BRPF3: variants seen among roughly 807,000 people sequenced by gnomAD.
The protein encoded by BRPF3 is bromodomain and PHD finger containing 3.
Under a neutral mutation model 102.0 loss-of-function variants are expected in BRPF3, and 18 were observed. The ratio of observed to expected loss-of-function variants is 0.18; its 90% CI spans 0.12 to 0.26. BRPF3 has a LOEUF of 0.26. Ranked by LOEUF, BRPF3 falls within the 10% of genes least tolerant of loss-of-function variation. BRPF3 has a pLI of 1.00. For missense variants in BRPF3, 1,147 were observed against 1,567.8 expected (o/e 0.73, Z 4.53); for synonymous variants, 570 against 614.2 (o/e 0.93, Z 1.06).
At chr6:36,204,487 G>A in intron 2 of BRPF3, 171 bp from the exon 3 acceptor site, 2 of 690,476 alleles carry the variant, frequency 2.9e-6, no homozygotes. Flanking sequence ...AATCTGAGCT[G>A]CTTAACTTTA....
At chr6:36,203,889 C>G (rs915959609) in intron 2 of BRPF3, among the ~76,000 whole-genome samples, 1 of 152,182 alleles carries the variant, frequency 6.6e-6, no homozygotes, top group Non-Finnish European at 1.5e-5. Flanking sequence ...CCTATGCTGC[C>G]TTTCCATCTT....
chr6:36,201,628 G>A lies in BRPF3; in HGVS notation c.1306G>A (p.Gly436Arg), dbSNP rs577867309. ...GGAAGAAGAGCAGGAAGCTCAAGGC[G>A]GGGTGAGTGGCTCCCTCAAGGGAGT... ...VEEEEQEAQG[G>R]VSGSLKGVPK... The change falls in exon 2 of 13, where the codon GGG becomes AGG. Residue 436 changes from glycine (G) to arginine (R), a missense_variant. Transcript: ENST00000357641. The surrounding 1 kb of genome is among the most constrained non-coding windows in gnomAD (Gnocchi z 5.1). 8 of 1,614,054 alleles carry A rather than the reference G, an allele frequency of 5.0e-6. No individual in the cohort carries two copies. Among genetic ancestry groups the A allele is most frequent in the East Asian group, 4.5e-5 (2 of 44,894 alleles).
At chr6:36,229,738 G>T (rs1191731702) in intron 12 of BRPF3, among the ~76,000 whole-genome samples, 1 of 152,208 alleles carries the variant, frequency 6.6e-6, no homozygotes, top group Non-Finnish European at 1.5e-5. Context: ...AATAAAAACA[G>T]TGATAATAGT....
At chr6:36,222,064 T>C (rs1271912483) in intron 9 of BRPF3, 104 bp from the exon 10 acceptor site, 4 of 1,143,138 alleles carry the variant, frequency 3.5e-6, no homozygotes, top group Non-Finnish European at 5.1e-6. Flanking sequence ...TGAAGAGTTT[T>C]TGCAGCTCCA....
At chr6:36,220,723 T>G (rs1768505242) in intron 9 of BRPF3, among the ~76,000 whole-genome samples, 1 of 152,252 alleles carries the variant, frequency 6.6e-6, no homozygotes, top group South Asian at 2.1e-4. Flanking sequence ...AACTAAATCC[T>G]AAATGTAAAC....
rs1414662089 is a variant in BRPF3, at chr6:36,225,338, C to T, written c.3253C>T (p.Arg1085Ter). The change falls in exon 11 of 13, where the codon CGA (arginine) becomes TGA (stop). Residue 1085 changes from arginine to a stop codon, truncating the protein, a stop_gained. Coordinates refer to ENST00000357641, the MANE Select transcript of BRPF3 (RefSeq NM_015695.3). LOFTEE classifies it high-confidence loss of function. ...CTTGGAGCTGGTGTGGGCCAAGTGC[C>T]GAGGCTACCCCTCCTACCCTGCCTT... is the stretch of plus-strand genomic sequence containing the variant. ...EPLELVWAKC[R>*]GYPSYPALII... is the part of the protein sequence containing the mutation. 6.2e-7 allele frequency: 1 copy of T among 1,610,596 alleles called. No homozygotes were observed. The highest frequency in any genetic ancestry group is 8.5e-7 in the Non-Finnish European group (1 of 1,180,006).
chr6:36,219,752 C>T (rs1234543231), intron 9 of BRPF3, among the ~76,000 whole-genome samples: 3 of 152,112 alleles, frequency 2.0e-5, no homozygotes, highest in Admixed American at 6.5e-5. Context: ...CTTTTTCCCC[C>T]CATACTGTGG....
intron 6 of BRPF3, 194 bp from the exon 7 acceptor site, chr6:36,211,064 A>G: frequency 1.6e-6 from 1 of 635,708 alleles, no homozygotes; most frequent in Non-Finnish European, 2.7e-6. Context: ...GACGTTTCCC[A>G]GATTCTGACC....
rs1768244193 is a variant in BRPF3, at chr6:36,214,262, T to C, written c.2865T>C (p.Gly955=). 1 of 1,613,750 alleles carries C rather than the reference T, an allele frequency of 6.2e-7. No individual in the cohort carries two copies. The highest frequency in any genetic ancestry group is 8.5e-7 in the Non-Finnish European group (1 of 1,180,006). Residue 955 remains glycine (G), a synonymous_variant, in exon 8 of 13, where the codon GGT becomes GGC. Transcript: ENST00000357641. ...TCCTGGAGAATGGCGAGGACCATGGTGTGGCAGGCTCTCCTGCCTCTCCAG... is the reference window on the plus strand; with the variant it reads ...TCCTGGAGAATGGCGAGGACCATGGCGTGGCAGGCTCTCCTGCCTCTCCAG... The part of the protein sequence containing the change: ...DRVLENGEDH[G]VAGSPASPAS...
At position 36,222,298 on chromosome 6, in the gene BRPF3, G is replaced by T. The variant is rs1350592777; in HGVS notation, c.3181+33G>T. The T allele has an allele frequency of 7.8e-6, 12 of 1,541,686 alleles. No individual in the cohort carries two copies. The East Asian group carries it at 2.4e-4, about 31-fold the overall frequency. ...GCAGTGTTCAGGCAGAACTGAGGGG[G>T]CCAGGCCTTCTGAGGAGCCAGCTCT... On this transcript the variant is annotated intron_variant, in intron 10 of 12. Transcript: ENST00000357641.
chr6:36,199,517 C>T (rs1392708819), intron 1 of BRPF3, among the ~76,000 whole-genome samples: 1 of 152,198 alleles, frequency 6.6e-6, no homozygotes, highest in Non-Finnish European at 1.5e-5. Flanking sequence ...CCCTTCACCT[C>T]TAGGCAGGGT....
At chr6:36,199,483 CAT>C (rs1013638361) in intron 1 of BRPF3, among the ~76,000 whole-genome samples, 14 of 152,256 alleles carry the variant, frequency 9.2e-5, no homozygotes, top group African/African-American at 2.9e-4. Context: ...GACCATGTAT[CAT>C]AGATATTTCA....
At chr6:36,220,461 CT>C (rs1026096687) in intron 9 of BRPF3, among the ~76,000 whole-genome samples, 1 of 152,142 alleles carries the variant, frequency 6.6e-6, no homozygotes, top group Non-Finnish European at 1.5e-5. Flanking sequence ...GGTTACAGAA[CT>C]GATAACAAGA....
chr6:36,207,499 A>G lies in BRPF3; in HGVS notation c.1737+55A>G, dbSNP rs776115707. On this transcript the variant is annotated intron_variant, in intron 4 of 12. Transcript: ENST00000357641. ...TAGTTCAAGGCCACTTTCTCCCACTATTAGTCTAGTATTGGGAAATCTGGG... is the reference window on the plus strand; with the variant it reads ...TAGTTCAAGGCCACTTTCTCCCACTGTTAGTCTAGTATTGGGAAATCTGGG... The G allele has an allele frequency of 5.6e-6, 9 of 1,597,790 alleles. No homozygotes were observed. The Admixed American group carries it at 1.2e-4, about 22-fold the overall frequency.
chr6:36,209,675 T>C (rs1768025813), intron 4 of BRPF3, 112 bp from the exon 5 acceptor site: 1 of 1,386,816 alleles, frequency 7.2e-7, no homozygotes, highest in East Asian at 2.3e-5. Context: ...CAGCTTAATA[T>C]TCTATGAAAA....
chr6:36,221,411 T>C (rs1455265764), intron 9 of BRPF3, among the ~76,000 whole-genome samples: 1 of 151,320 alleles, frequency 6.6e-6, no homozygotes, highest in African/African-American at 2.4e-5. Flanking sequence ...CTCAGCCTCC[T>C]GAGTAGCTGG....
At chr6:36,229,341 T>C (rs1030657462) in intron 12 of BRPF3, among the ~76,000 whole-genome samples, 4 of 152,230 alleles carry the variant, frequency 2.6e-5, no homozygotes, top group African/African-American at 4.8e-5. Flanking sequence ...TACAGCCCAC[T>C]TGCTGCCTCA....
chr6:36,200,545 A>G lies in BRPF3; in HGVS notation c.223A>G (p.Asn75Asp). 6.2e-7 allele frequency: 1 copy of G among 1,614,226 alleles called. No homozygotes were observed. The highest frequency in any genetic ancestry group is 8.5e-7 in the Non-Finnish European group (1 of 1,180,042). ...AACTGCCCAGGATATCACCGAATGC[A>G]ATAGTAACAAGGAAAACAGTGAACA... is the stretch of plus-strand genomic sequence containing the variant. ...ELTAQDITEC[N>D]SNKENSEQPQ... Residue 75 changes from asparagine (N) to aspartate (D), a missense_variant, in exon 2 of 13, where the codon AAT becomes GAT. Asn to Asp is a conservative substitution (Grantham distance 23, BLOSUM62 1). Coordinates refer to ENST00000357641, the MANE Select transcript of BRPF3 (RefSeq NM_015695.3). This position sits in a 1 kb window ranked among gnomAD's most constrained non-coding sequence, Gnocchi z 5.3.
rs781147088 is a variant in BRPF3 at position 36,200,552 on chromosome 6, A to G, written c.230A>G (p.Asn77Ser). 3 of 1,614,120 alleles carry G rather than the reference A, an allele frequency of 1.9e-6. No individual in the cohort carries two copies. Among genetic ancestry groups the G allele is most frequent in the Non-Finnish European group, 2.5e-6 (3 of 1,180,052 alleles). ...CAGGATATCACCGAATGCAATAGTA[A>G]CAAGGAAAACAGTGAACAGCCTCAG... is the stretch of plus-strand genomic sequence containing the variant. ...TAQDITECNSNKENSEQPQFP... is the reference protein window; with the variant it reads ...TAQDITECNSSKENSEQPQFP... The change falls in exon 2 of 13, where the codon AAC becomes AGC. Residue 77 changes from asparagine to serine, a missense_variant. Physicochemically the swap from Asn to Ser is conservative, Grantham distance 46. Transcript: ENST00000357641. The surrounding 1 kb of genome is among the most constrained non-coding windows in gnomAD (Gnocchi z 5.3).
Sources: gnomAD v4.1 joint callset for allele counts (sites outside exome capture counted in the v4.1 genomes callset) on GRCh38, gnomAD v4.1.1 for gene constraint, Gnocchi (gnomAD v3.1) non-coding constraint, MANE v1.5 for transcripts, NCBI Gene and HGNC (gene_info 2026-07-23, HGNC 2026-07-21) for gene names.